Variants in TAPT1 observed in about 807,000 individuals in gnomAD.
TAPT1 encodes transmembrane anterior posterior transformation 1, also known as transmembrane anterior posterior transformation protein 1 homolog.
Under a neutral mutation model 65.6 loss-of-function variants are expected in TAPT1, and 28 were observed. The observed-to-expected ratio is 0.43, with a 90% CI of 0.32 to 0.59. TAPT1 has a LOEUF of 0.59. Among genes scored for constraint, TAPT1 ranks in the 20% least tolerant of loss-of-function variants. TAPT1 has a pLI of 0.09. For missense variants in TAPT1, 563 were observed against 679.9 expected (o/e 0.83, Z 1.91); for synonymous variants, 278 against 245.2 (o/e 1.13, Z -1.25).
intron 7 of TAPT1, among the ~76,000 whole-genome samples, chr4:16,183,294 C>T (rs1748821901): frequency 6.6e-6 from 1 of 152,000 alleles, no homozygotes; most frequent in Non-Finnish European, 1.5e-5. Context: ...AGCTACTTTG[C>T]TTACAGCAAA....
At chr4:16,167,848 C>CA (rs1423109037) in intron 12 of TAPT1, among the ~76,000 whole-genome samples, 1 of 152,086 alleles carries the variant, frequency 6.6e-6, no homozygotes, top group African/African-American at 2.4e-5. Flanking sequence ...TATGGGTTAT[C>CA]AAATAACAAA....
At chr4:16,193,196 G>C (rs1377001920) in intron 3 of TAPT1, among the ~76,000 whole-genome samples, 4 of 152,182 alleles carry the variant, frequency 2.6e-5, no homozygotes, top group Non-Finnish European at 4.4e-5. Context: ...GACTGTTCAC[G>C]AAGGGCTAAA....
At chr4:16,223,759 T>C (rs548945178) in intron 1 of TAPT1, among the ~76,000 whole-genome samples, 5 of 152,048 alleles carry the variant, frequency 3.3e-5, no homozygotes, top group Admixed American at 1.3e-4. Context: ...AACATATAAA[T>C]CAACAAGGAG....
intron 3 of TAPT1, among the ~76,000 whole-genome samples, chr4:16,194,992 A>G (rs1325900158): frequency 6.6e-6 from 1 of 152,054 alleles, no homozygotes; most frequent in East Asian, 1.9e-4. Flanking sequence ...TCGGCCTCCC[A>G]AAGGGCTGGG....
rs189615371 is a variant in TAPT1 at position 16,179,685 on chromosome 4, C to T, written c.917-28G>A. On this transcript the variant is annotated intron_variant, in intron 7 of 13. Coordinates refer to ENST00000405303, the MANE Select transcript of TAPT1 (RefSeq NM_153365.3). ...AAAAGAAAAAAAATCAACATAAGTA[C>T]TGTAGTGTATATAAACAACATAATA... 4.1e-6 allele frequency: 5 copies of T among 1,226,912 alleles called. No individual in the cohort carries two copies. In the East Asian group the frequency reaches 1.3e-4, roughly 32 times the overall value. The allele number at this position is 1,226,912 out of a possible 1,614,324, so 76.0% of individuals were successfully genotyped here.
Position 16,163,445 on chromosome 4 carries a change from A to T in TAPT1, c.1567T>A (p.Ser523Thr). 6.2e-7 allele frequency: 1 copy of T among 1,613,946 alleles called. No homozygotes were observed. Among genetic ancestry groups the T allele is most frequent in the Non-Finnish European group, 8.5e-7 (1 of 1,179,850 alleles). Residue 523 changes from serine (S) to threonine (T), a missense_variant, in exon 14 of 14, where the codon TCT becomes ACT. Around this residue, in one of 5 missense-constraint regions of TAPT1, gnomAD observed 136 missense variants for 153.9 expected, o/e 0.88. Coordinates refer to ENST00000405303, the MANE Select transcript of TAPT1 (RefSeq NM_153365.3). Reference protein sequence around the residue: ...NIIPLLVTSNSDQFLTTPDGD... With the variant: ...NIIPLLVTSNTDQFLTTPDGD... ...TCTGGAGTTGTCAAAAACTGATCAG[A>T]ATTGCTTGTCACAAGTAATGGTATG...
intron 13 of TAPT1, among the ~76,000 whole-genome samples, chr4:16,164,897 T>C (rs184983582): frequency 6.8e-4 from 103 of 152,320 alleles, no homozygotes; most frequent in African/African-American, 2.2e-3. Flanking sequence ...TTATTTTCGC[T>C]TCCGGTTAAG....
intron 1 of TAPT1, among the ~76,000 whole-genome samples, chr4:16,224,652 C>T (rs1257594720): frequency 6.6e-6 from 1 of 152,096 alleles, no homozygotes; most frequent in Non-Finnish European, 1.5e-5. Flanking sequence ...GAGGCATCTC[C>T]CTGATAATGA....
rs1407356763 is a variant in TAPT1 at position 16,160,942 on chromosome 4, G to A, written c.*2366C>T. The A allele has an allele frequency of 6.6e-6, 1 of 152,568 alleles. No individual in the cohort carries two copies. Among genetic ancestry groups the A allele is most frequent in the African/African-American group, 2.4e-5 (1 of 41,416 alleles). The allele number at this position is 152,568 out of a possible 1,614,324, so 9.5% of individuals were successfully genotyped here. On this transcript the variant is annotated 3_prime_UTR_variant, in exon 14 of 14. Coordinates refer to ENST00000405303, the MANE Select transcript of TAPT1 (RefSeq NM_153365.3). ...CTTGGTCTTTACACTTATTCTAAAGGAAAACCTAATAAGGGTCTGGCCTAT... is the reference window on the plus strand; with the variant it reads ...CTTGGTCTTTACACTTATTCTAAAGAAAAACCTAATAAGGGTCTGGCCTAT...
intron 3 of TAPT1, chr4:16,196,648 GTTTACTCACCA>G: frequency 7.8e-7 from 1 of 1,281,968 alleles, no homozygotes; most frequent in Non-Finnish European, 1.0e-6. Context: ...AAAAATCAGG[GTTTACTCACCA>G]CAAGGAGTCC....
intron 3 of TAPT1, among the ~76,000 whole-genome samples, chr4:16,196,087 T>C (rs995104154): frequency 8.5e-5 from 13 of 152,170 alleles, no homozygotes; most frequent in African/African-American, 2.7e-4. Context: ...AAATAATATG[T>C]TTTTATTTTT....
At chr4:16,164,025 T>C (rs1747421105) in intron 13 of TAPT1, among the ~76,000 whole-genome samples, 2 of 151,976 alleles carry the variant, frequency 1.3e-5, no homozygotes, top group Admixed American at 6.5e-5. Context: ...AACAAACAAA[T>C]AAACAAAACC....
At chr4:16,174,909 A>C (rs1748229674) in intron 9 of TAPT1, 180 bp from the exon 10 acceptor site, 2 of 487,412 alleles carry the variant, frequency 4.1e-6, no homozygotes, top group South Asian at 6.8e-5. Flanking sequence ...ATGTAACCTC[A>C]ATTCCACCGA....
chr4:16,213,137 G>C (rs1373000989), intron 2 of TAPT1, among the ~76,000 whole-genome samples: 1 of 152,196 alleles, frequency 6.6e-6, no homozygotes, highest in Admixed American at 6.5e-5. Context: ...AGAAATTTTG[G>C]AATTGCTTAG....
intron 1 of TAPT1, among the ~76,000 whole-genome samples, chr4:16,223,712 G>C (rs1008651741): frequency 2.6e-5 from 4 of 152,160 alleles, no homozygotes; most frequent in African/African-American, 9.7e-5. Context: ...AGCATATACA[G>C]CTATTCATAC....
chr4:16,193,613 G>A (rs1398675325), intron 3 of TAPT1, among the ~76,000 whole-genome samples: 2 of 152,190 alleles, frequency 1.3e-5, no homozygotes, highest in Non-Finnish European at 2.9e-5. Context: ...TATTATATCT[G>A]CCAAGAATTG....
At chr4:16,175,206 A>G (rs1287836070) in intron 9 of TAPT1, among the ~76,000 whole-genome samples, 1 of 152,164 alleles carries the variant, frequency 6.6e-6, no homozygotes, top group Admixed American at 6.5e-5. Context: ...TTACCACTAA[A>G]AAGTGCACAA....
At chr4:16,173,584 G>T (rs1036837066) in intron 11 of TAPT1, among the ~76,000 whole-genome samples, 2 of 152,026 alleles carry the variant, frequency 1.3e-5, no homozygotes, top group African/African-American at 4.8e-5. Flanking sequence ...ATAAAAGCAG[G>T]AATTTTCATT....
intron 7 of TAPT1, among the ~76,000 whole-genome samples, chr4:16,179,873 C>T (rs1748610084): frequency 6.6e-6 from 1 of 151,196 alleles, no homozygotes; most frequent in Non-Finnish European, 1.5e-5. Context: ...CTTCTTTTGC[C>T]AACATAATTC....
Sources: allele counts gnomAD v4.1 joint callset (sites outside exome capture counted in the v4.1 genomes callset), GRCh38; gene constraint gnomAD v4.1.1; regional missense constraint gnomAD v4.1.1; transcripts MANE v1.5; gene names NCBI Gene and HGNC (gene_info 2026-07-23, HGNC 2026-07-21).